The following RBMS3 variants were observed in gnomAD, a reference collection of about 807,000 sequenced individuals.
RBMS3 encodes RNA binding motif single stranded interacting protein 3.
Under a neutral mutation model 66.8 loss-of-function variants are expected in RBMS3, and 27 were observed. That is an observed-to-expected ratio of 0.40 (90% confidence interval 0.30 to 0.56). RBMS3 has a LOEUF of 0.56. Among genes scored for constraint, RBMS3 ranks in the 20% least tolerant of loss-of-function variants. RBMS3 has a pLI of 0.40. For synonymous variants in RBMS3, 188 were observed against 183.0 expected, an observed-to-expected ratio of 1.03 and a Z score of -0.22; for missense variants, 513 against 549.5, an observed-to-expected ratio of 0.93 and a Z score of 0.66.
At chr3:29,998,943 T>C (rs1699432067) in intron 14 of RBMS3, among the ~76,000 whole-genome samples, 1 of 151,854 alleles carries the variant, frequency 6.6e-6, no homozygotes, top group South Asian at 2.1e-4. Context: ...ACTAAAGAGC[T>C]TCTGCACAGC....
chr3:29,374,387 A>C (rs993189334), intron 1 of RBMS3, among the ~76,000 whole-genome samples: 1 of 152,226 alleles, frequency 6.6e-6, no homozygotes, highest in African/African-American at 2.4e-5. Flanking sequence ...CAATATTAAA[A>C]GTTACATCAT....
chr3:29,760,593 T>A (rs1056796297), intron 5 of RBMS3, among the ~76,000 whole-genome samples: 1 of 151,360 alleles, frequency 6.6e-6, no homozygotes, highest in East Asian at 2.0e-4. Flanking sequence ...CAATAGTGGA[T>A]CCTGTGGGAA....
At chr3:29,943,569 G>T (rs2061440812) in intron 11 of RBMS3, among the ~76,000 whole-genome samples, 1 of 151,672 alleles carries the variant, frequency 6.6e-6, no homozygotes, top group Non-Finnish European at 1.5e-5. Flanking sequence ...AGGAGACTTG[G>T]GATAAAGATA....
At chr3:29,988,915 G>A (rs560741346) in intron 13 of RBMS3, among the ~76,000 whole-genome samples, 28 of 152,248 alleles carry the variant, frequency 1.8e-4, no homozygotes, top group Middle Eastern at 6.8e-3. Context: ...CTAATGCACT[G>A]GTTCTCAAAT....
intron 1 of RBMS3, among the ~76,000 whole-genome samples, chr3:29,335,786 AT>A (rs2035912316): frequency 6.6e-6 from 1 of 152,100 alleles, no homozygotes; most frequent in Non-Finnish European, 1.5e-5. Flanking sequence ...TAAAAGATAC[AT>A]TTGTGAAATT....
chr3:29,411,669 T>C (rs995070675), intron 1 of RBMS3, among the ~76,000 whole-genome samples: 1 of 152,248 alleles, frequency 6.6e-6, no homozygotes, highest in Non-Finnish European at 1.5e-5. Context: ...TACACCCTTG[T>C]CCATAGCAGA....
At chr3:29,662,256 G>A (rs1172850495) in intron 4 of RBMS3, among the ~76,000 whole-genome samples, 3 of 152,056 alleles carry the variant, frequency 2.0e-5, no homozygotes, top group African/African-American at 7.2e-5. Flanking sequence ...TAAAAATGTT[G>A]AAAGAGAGCC....
At chr3:29,748,808 G>C (rs2055045469) in intron 5 of RBMS3, among the ~76,000 whole-genome samples, 1 of 152,178 alleles carries the variant, frequency 6.6e-6, no homozygotes, top group African/African-American at 2.4e-5. Flanking sequence ...TGACTCCTTA[G>C]TCCTATATCA....
chr3:29,838,953 A>C (rs1228610213), intron 6 of RBMS3, among the ~76,000 whole-genome samples: 1 of 152,210 alleles, frequency 6.6e-6, no homozygotes, highest in African/African-American at 2.4e-5. Context: ...GTTAATGAAC[A>C]TTCTTATAGA....
At chr3:29,388,352 G>A (rs760497959) in intron 1 of RBMS3, among the ~76,000 whole-genome samples, 3 of 152,258 alleles carry the variant, frequency 2.0e-5, no homozygotes, top group Non-Finnish European at 2.9e-5. Context: ...AGAAGAGTCC[G>A]TGATATATAG....
chr3:29,774,714 C>T (rs940332105), intron 6 of RBMS3, among the ~76,000 whole-genome samples: 5 of 151,856 alleles, frequency 3.3e-5, no homozygotes, highest in African/African-American at 9.7e-5. Context: ...TGGAGTTTTC[C>T]AGGGGCTACA....
intron 8 of RBMS3, among the ~76,000 whole-genome samples, chr3:29,886,291 C>A (rs1217701918): frequency 6.6e-6 from 1 of 151,712 alleles, no homozygotes; most frequent in Non-Finnish European, 1.5e-5. Flanking sequence ...TGGATTATTT[C>A]ATTTATTTAT....
intron 12 of RBMS3, among the ~76,000 whole-genome samples, chr3:29,979,997 T>C (rs1043170048): frequency 6.6e-6 from 1 of 152,216 alleles, no homozygotes; most frequent in Non-Finnish European, 1.5e-5. Context: ...TCTAGATCCC[T>C]GAGGAATTGC....
At chr3:29,790,220 A>G (rs1371699553) in intron 6 of RBMS3, among the ~76,000 whole-genome samples, 2 of 152,182 alleles carry the variant, frequency 1.3e-5, no homozygotes, top group African/African-American at 4.8e-5. Flanking sequence ...CTATTCTAAA[A>G]TATAGGTAAA....
At chr3:29,380,169 A>G (rs909673415) in intron 1 of RBMS3, among the ~76,000 whole-genome samples, 6 of 152,124 alleles carry the variant, frequency 3.9e-5, no homozygotes, top group African/African-American at 1.4e-4. Context: ...GTTAAAGAAT[A>G]TAAAGAATAG....
chr3:29,621,760 AAAC>A (rs1472763566), intron 4 of RBMS3, among the ~76,000 whole-genome samples: 1 of 152,170 alleles, frequency 6.6e-6, no homozygotes, highest in African/African-American at 2.4e-5. Flanking sequence ...AATGCCATTT[AAAC>A]AACAGAAAAA....
At chr3:29,426,963 A>T (rs1394885603) in intron 1 of RBMS3, among the ~76,000 whole-genome samples, 4 of 152,160 alleles carry the variant, frequency 2.6e-5, no homozygotes, top group Non-Finnish European at 5.9e-5. Flanking sequence ...TTCCTCTTTC[A>T]CTCATGACAA....
intron 4 of RBMS3, among the ~76,000 whole-genome samples, chr3:29,652,374 T>A (rs2050176793): frequency 6.6e-6 from 1 of 152,124 alleles, no homozygotes; most frequent in Non-Finnish European, 1.5e-5. Flanking sequence ...ATTTAAGCAT[T>A]ATTAGGATGC....
intron 3 of RBMS3, among the ~76,000 whole-genome samples, chr3:29,489,266 A>G (rs895081248): frequency 1.3e-5 from 2 of 152,158 alleles, no homozygotes; most frequent in African/African-American, 4.8e-5. Context: ...CCTCTATTTC[A>G]TATACAAACA....
Sources: gnomAD v4.1 joint callset for allele counts (sites outside exome capture counted in the v4.1 genomes callset) on GRCh38, gnomAD v4.1.1 for gene constraint, MANE v1.5 for transcripts, NCBI Gene and HGNC (gene_info 2026-07-23, HGNC 2026-07-21) for gene names.